KHDRBS1: variants seen among roughly 807,000 people sequenced by gnomAD.
KHDRBS1 encodes the protein KH domain-containing, RNA-binding, signal transduction-associated protein 1.
A neutral mutation model predicts 48.4 loss-of-function variants in KHDRBS1; 7 were observed. That is an observed-to-expected ratio of 0.14 (90% confidence interval 0.08 to 0.27). KHDRBS1 has a LOEUF of 0.27. Ranked by LOEUF, KHDRBS1 falls within the 10% of genes least tolerant of loss-of-function variation. The pLI, the probability that KHDRBS1 is intolerant of heterozygous loss-of-function variation, is 1.00. For synonymous variants in KHDRBS1, 241 were observed against 235.8 expected, an observed-to-expected ratio of 1.02 and a Z score of -0.20; for missense variants, 458 against 601.2, an observed-to-expected ratio of 0.76 and a Z score of 2.49.
intron 10 of KHDRBS1, among the ~76,000 whole-genome samples, chr1:32,051,982 T>G (rs1021308367): frequency 3.3e-5 from 5 of 152,200 alleles, no homozygotes; most frequent in African/African-American, 1.2e-4. Flanking sequence ...TCATTTTCAT[T>G]TTTTTCCCTC....
At chr1:32,026,519 T>G (rs966888979) in intron 1 of KHDRBS1, among the ~76,000 whole-genome samples, 1 of 152,122 alleles carries the variant, frequency 6.6e-6, no homozygotes, top group African/African-American at 2.4e-5. Context: ...TCTGAGTAGT[T>G]CAAAAATAGA....
At chr1:32,043,984 A>G (rs1331586595), downstream of KHDRBS1, 2 of 152,516 alleles carry the variant, frequency 1.3e-5, no homozygotes, top group African/African-American at 4.8e-5. Flanking sequence ...AAAGTTGGAA[A>G]CATTCTTAAA....
rs946065329 is a variant in KHDRBS1 at position 32,043,282 on chromosome 1, TA to T, written c.*669del. ...ATGCAATTTTTAACGTTAATTGATA[TA>T]AAAAAAAAAACAACAAAATTAGGCT... On this transcript the variant is annotated 3_prime_UTR_variant, in exon 9 of 9. Transcript: ENST00000327300. 0.045 allele frequency: 6,583 copies of T among 146,210 alleles called. 454 individuals are homozygous for T. Among genetic ancestry groups the T allele is most frequent in the African/African-American group, 0.15 (6,066 of 40,228 alleles). 9.1% of individuals were successfully genotyped at this position (146,210 alleles called of 1,614,324 possible). A position where few individuals can be genotyped will look rare whatever the true frequency, so the allele number is the denominator to read the frequency against.
Position 32,038,453 on chromosome 1 carries a change from T to C in KHDRBS1, c.1108-99T>C, listed in dbSNP as rs1045414808. ...TTTTGGAGGGAAATGTCATGTCCTT[T>C]TAATTCAGAAGCCTACTTACTCCCA... On this transcript the variant is annotated intron_variant, in intron 6 of 8. Transcript: ENST00000327300. The C allele has an allele frequency of 5.1e-6, 6 of 1,175,616 alleles. No homozygotes were observed. The South Asian group carries it at 6.6e-5, about 13-fold the overall frequency. 72.8% of individuals were successfully genotyped at this position (1,175,616 alleles called of 1,614,324 possible). A position where few individuals can be genotyped will look rare whatever the true frequency, so the allele number is the denominator to read the frequency against.
intron 8 of KHDRBS1, 98 bp downstream of exon 8, chr1:32,039,671 G>A (rs565309951): frequency 1.3e-6 from 1 of 754,444 alleles, no homozygotes; most frequent in African/African-American, 1.7e-5. Flanking sequence ...CACACCTACG[G>A]ATAAACCTTT....
chr1:32,029,671 A>T (rs1639044284), intron 1 of KHDRBS1, among the ~76,000 whole-genome samples: 2 of 152,240 alleles, frequency 1.3e-5, no homozygotes, highest in South Asian at 4.1e-4. Context: ...AAAGAAAAAA[A>T]AGTACCTTGT....
intron 8 of KHDRBS1, among the ~76,000 whole-genome samples, chr1:32,040,915 G>C (rs1639272883): frequency 6.6e-6 from 1 of 152,124 alleles, no homozygotes; most frequent in Non-Finnish European, 1.5e-5. Flanking sequence ...CAAGGAAACT[G>C]TTTTTACCAG....
chr1:32,019,481 CAG>C (rs887476629), intron 1 of KHDRBS1, among the ~76,000 whole-genome samples: 3 of 151,504 alleles, frequency 2.0e-5, no homozygotes, highest in African/African-American at 7.3e-5. Context: ...ACCCGGGAGA[CAG>C]AGGTTGCAGT....
chr1:32,032,246 C>G (rs1378845270), intron 3 of KHDRBS1, among the ~76,000 whole-genome samples: 1 of 152,174 alleles, frequency 6.6e-6, no homozygotes, highest in African/African-American at 2.4e-5. Context: ...TCTTAGCCTT[C>G]TGGGGTCACC....
rs756287416 is a variant in KHDRBS1 at position 32,042,564 on chromosome 1, G to A, written c.1272G>A (p.Lys424=). Residue 424 remains lysine, a synonymous_variant, in exon 9 of 9, where the codon AAG becomes AAA. Transcript: ENST00000327300. The stretch of plus-strand genomic sequence containing the variant: ...GGAATGGGACCAGGCCGTCGCTGAA[G>A]GCCCCTCCTGCTAGGCCAGTGAAGG... ...DDWNGTRPSL[K]APPARPVKGA... is the part of the protein sequence containing the mutation. The A allele has an allele frequency of 4.3e-6, 7 of 1,613,826 alleles. No individual in the cohort carries two copies. In the East Asian group the frequency reaches 1.6e-4, roughly 36 times the overall value.
downstream of KHDRBS1, among the ~76,000 whole-genome samples, chr1:32,048,482 C>G (rs1021191623): frequency 1.3e-5 from 2 of 152,164 alleles, no homozygotes; most frequent in Non-Finnish European, 2.9e-5. Context: ...TGTACTCCAG[C>G]CCGGGTAGAA....
In KHDRBS1 at chr1:32,032,979, C is replaced by T. The variant is rs1480691505; in HGVS notation, c.625-209C>T. Among the ~76,000 whole-genome samples the T allele has an allele frequency of 4.6e-5, 7 of 152,296 alleles. No individual in the cohort carries two copies. The South Asian group carries it at 8.3e-4, about 18-fold the overall frequency. ...CTGGGATTATAGGCGTGAGCCACCG[C>T]GCCTGGCTGCTTGTTTTACTTTCTT... is the stretch of plus-strand genomic sequence containing the variant. On this transcript the variant is annotated intron_variant, in intron 3 of 8. Coordinates refer to ENST00000327300, the MANE Select transcript of KHDRBS1 (RefSeq NM_006559.3).
At chr1:32,022,830 C>T (rs950904797) in intron 1 of KHDRBS1, among the ~76,000 whole-genome samples, 11 of 151,596 alleles carry the variant, frequency 7.3e-5, no homozygotes, top group African/African-American at 2.2e-4. Flanking sequence ...GCGGAGGTTG[C>T]AGTGAGCCAA....
chr1:32,031,700 A>G, intron 3 of KHDRBS1, 60 bp downstream of exon 3: 1 of 1,071,362 alleles, frequency 9.3e-7, no homozygotes, highest in South Asian at 1.5e-5. Flanking sequence ...CCCAGAATGC[A>G]GTATGGATGT....
intron 1 of KHDRBS1, among the ~76,000 whole-genome samples, chr1:32,029,168 A>G (rs1639033192): frequency 6.6e-6 from 1 of 152,154 alleles, no homozygotes; most frequent in South Asian, 2.1e-4. Context: ...ATCTTTTTGT[A>G]TGCCAAGTTT....
intron 10 of KHDRBS1, among the ~76,000 whole-genome samples, chr1:32,055,472 T>A (rs765471564): frequency 1.3e-5 from 2 of 152,032 alleles, no homozygotes; most frequent in African/African-American, 2.4e-5. Flanking sequence ...GTTGGATCCT[T>A]ATGAGCCCTC....
intron 4 of KHDRBS1, among the ~76,000 whole-genome samples, chr1:32,035,103 C>G (rs1557895504): frequency 6.6e-6 from 1 of 151,986 alleles, no homozygotes; most frequent in African/African-American, 2.4e-5. Context: ...TTCTATTGAT[C>G]ACCCAAGCCA....
At chr1:32,021,165 T>C (rs1638850943) in intron 1 of KHDRBS1, among the ~76,000 whole-genome samples, 1 of 151,994 alleles carries the variant, frequency 6.6e-6, no homozygotes. Context: ...AATTGTGCAC[T>C]AAGGAAAAGA....
chr1:32,055,809 A>C (rs1343857578), intron 10 of KHDRBS1, among the ~76,000 whole-genome samples: 1 of 151,840 alleles, frequency 6.6e-6, no homozygotes, highest in East Asian at 1.9e-4. Flanking sequence ...CAAGCAGGAG[A>C]CTCAACCCTT....
Sources: gnomAD v4.1 joint callset for allele counts (sites outside exome capture counted in the v4.1 genomes callset) on GRCh38, gnomAD v4.1.1 for gene constraint, MANE v1.5 for transcripts, NCBI Gene and HGNC (gene_info 2026-07-23, HGNC 2026-07-21) for gene names.